KIF2A: variants seen among roughly 807,000 people sequenced by gnomAD.
The protein encoded by KIF2A is kinesin-like protein KIF2A.
In KIF2A, 22 loss-of-function variants were observed where a neutral mutation model predicts 100.2. The ratio of observed to expected loss-of-function variants is 0.22; its 90% CI spans 0.16 to 0.31. The LOEUF (loss-of-function observed/expected upper bound fraction) is 0.31. Ranked by LOEUF, KIF2A falls within the 10% of genes least tolerant of loss-of-function variation. The pLI, the probability that KIF2A is intolerant of heterozygous loss-of-function variation, is 1.00. For missense variants in KIF2A, 495 were observed against 898.7 expected (o/e 0.55, Z 5.74); for synonymous variants, 268 against 285.9 (o/e 0.94, Z 0.63).
At chr5:62,346,218 A>G (rs1361827789) in intron 1 of KIF2A, among the ~76,000 whole-genome samples, 1 of 152,164 alleles carries the variant, frequency 6.6e-6, no homozygotes, top group Admixed American at 6.6e-5. Flanking sequence ...AGTTTACTAC[A>G]TTATATATAA....
chr5:62,318,193 C>G (rs1183214628), intron 1 of KIF2A, among the ~76,000 whole-genome samples: 1 of 152,118 alleles, frequency 6.6e-6, no homozygotes, highest in East Asian at 1.9e-4. Context: ...AGCGATTCCC[C>G]TGCCTCAGCC....
intron 1 of KIF2A, among the ~76,000 whole-genome samples, chr5:62,343,219 TATTTA>T (rs1325892165): frequency 6.6e-6 from 1 of 152,194 alleles, no homozygotes; most frequent in African/African-American, 2.4e-5. Flanking sequence ...AAGTAAGGAT[TATTTA>T]ATTTCCCTTT....
rs1407865790 is a variant in KIF2A at position 62,389,961 on chromosome 5, T to C, written c.*4392T>C. Among the ~76,000 whole-genome samples, 3 of 152,238 alleles carry C rather than the reference T, an allele frequency of 2.0e-5. No individual in the cohort carries two copies. Among genetic ancestry groups the C allele is most frequent in the Non-Finnish European group, 4.4e-5 (3 of 68,036 alleles). On this transcript the variant is annotated 3_prime_UTR_variant, in exon 21 of 21. Transcript: ENST00000407818. Reference sequence around the variant, plus strand: ...TAAATTTCTAAAAAAGCAAAGTAGATATTTATGAATAGTATTCAATGCCTA... The same window carrying C: ...TAAATTTCTAAAAAAGCAAAGTAGACATTTATGAATAGTATTCAATGCCTA...
intron 5 of KIF2A, 169 bp downstream of exon 5, chr5:62,352,879 G>T: frequency 5.8e-6 from 3 of 519,208 alleles, no homozygotes; most frequent in Non-Finnish European, 6.4e-6. Flanking sequence ...TGTTAATTGG[G>T]TTTTTTAAAG....
intron 1 of KIF2A, among the ~76,000 whole-genome samples, chr5:62,307,566 C>T (rs765612725): frequency 5.9e-5 from 9 of 151,530 alleles, no homozygotes; most frequent in Non-Finnish European, 1.3e-4. Flanking sequence ...ATTGAAAGAA[C>T]GAGAGATGTG....
rs763169283 is a variant in KIF2A at position 62,390,861 on chromosome 5, C to A, written c.*5292C>A. The A allele has an allele frequency of 1.9e-6, 3 of 1,607,026 alleles. No homozygotes were observed. Among genetic ancestry groups the A allele is most frequent in the Non-Finnish European group, 2.6e-6 (3 of 1,175,462 alleles). On this transcript the variant is annotated 3_prime_UTR_variant, in exon 21 of 21. Coordinates refer to ENST00000407818, the MANE Select transcript of KIF2A (RefSeq NM_001098511.3). ...AAAGAAATGTAAACACTTAGGAAAA[C>A]AAAAATGTAATTACCTGATGAAGTC...
intron 1 of KIF2A, among the ~76,000 whole-genome samples, chr5:62,309,848 TA>T (rs1304559465): frequency 6.6e-6 from 1 of 152,204 alleles, no homozygotes; most frequent in African/African-American, 2.4e-5. Context: ...AAAACTATCC[TA>T]ATGAGTCTTC....
intron 1 of KIF2A, among the ~76,000 whole-genome samples, chr5:62,334,617 C>T (rs1364399003): frequency 6.6e-6 from 1 of 151,950 alleles, no homozygotes; most frequent in Non-Finnish European, 1.5e-5. Flanking sequence ...CTCCTGGGGC[C>T]TCCCCACCAC....
In KIF2A at chr5:62,347,243, A is replaced by G; in HGVS notation, c.159+19A>G. ...CAAAGAGGTAAGATCACTGAGTTTA[A>G]TTTTATTCCTAGTCCTGCAATCAAG... On this transcript the variant is annotated intron_variant, in intron 2 of 20. Coordinates refer to ENST00000407818, the MANE Select transcript of KIF2A (RefSeq NM_001098511.3). The G allele has an allele frequency of 7.8e-7, 1 of 1,282,140 alleles. No individual in the cohort carries two copies. Among genetic ancestry groups the G allele is most frequent in the South Asian group, 1.3e-5 (1 of 79,238 alleles). 79.4% of individuals were successfully genotyped at this position (1,282,140 alleles called of 1,614,324 possible). A position where few individuals can be genotyped will look rare whatever the true frequency, so the allele number is the denominator to read the frequency against.
At chr5:62,359,371 G>A (rs1748273019) in intron 9 of KIF2A, among the ~76,000 whole-genome samples, 1 of 151,748 alleles carries the variant, frequency 6.6e-6, no homozygotes, top group South Asian at 2.1e-4. Context: ...TAGAGTTAAT[G>A]AGACTAAGAA....
Position 62,373,402 on chromosome 5 carries a change from GT to G in KIF2A, c.1761-278del, listed in dbSNP as rs144108579. Among the ~76,000 whole-genome samples the G allele has an allele frequency of 0.016, 2,488 of 151,804 alleles. 57 individuals are homozygous for G. The highest frequency in any genetic ancestry group is 0.058 in the African/African-American group (2,389 of 41,418). On this transcript the variant is annotated intron_variant, in intron 17 of 20. Coordinates refer to ENST00000407818, the MANE Select transcript of KIF2A (RefSeq NM_001098511.3). ...TAAAAAATTTTTTAAATCATAACAA[GT>G]TTTTTTCTTTGAATACTGAATCTAC...
At chr5:62,336,804 A>G (rs987614684) in intron 1 of KIF2A, among the ~76,000 whole-genome samples, 1 of 152,212 alleles carries the variant, frequency 6.6e-6, no homozygotes, top group African/African-American at 2.4e-5. Context: ...TTAAGTACAT[A>G]ATAACACCTA....
chr5:62,356,412 T>C (rs1748108399), intron 7 of KIF2A, among the ~76,000 whole-genome samples: 4 of 152,206 alleles, frequency 2.6e-5, no homozygotes, highest in African/African-American at 9.6e-5. Flanking sequence ...AAAGCAGCCA[T>C]AGACAATACA....
intron 1 of KIF2A, among the ~76,000 whole-genome samples, chr5:62,319,699 T>C (rs1026490114): frequency 6.6e-6 from 1 of 152,254 alleles, no homozygotes; most frequent in Non-Finnish European, 1.5e-5. Context: ...CACTGCTCTG[T>C]CTATTCAAGT....
At chr5:62,373,935 G>A (rs1741428956) in intron 18 of KIF2A, 98 bp downstream of exon 18, 1 of 985,274 alleles carries the variant, frequency 1.0e-6, no homozygotes, top group Admixed American at 2.2e-5. Context: ...GTCAGGCTGT[G>A]GGTGTGGTGG....
At chr5:62,341,356 C>T (rs745408435) in intron 1 of KIF2A, among the ~76,000 whole-genome samples, 10 of 151,952 alleles carry the variant, frequency 6.6e-5, no homozygotes, top group South Asian at 2.1e-4. Flanking sequence ...GCTGGAGTGC[C>T]GTGGCACAAT....
chr5:62,352,697 A>G lies in KIF2A; in HGVS notation c.444A>G (p.Glu148=), dbSNP rs561923775. Reference sequence around the variant, plus strand: ...CTCCAGTTCAAGCTGCAAAAAAGGAATTTGGACCCCCTTGTATGTAAATTA... The same window carrying G: ...CTCCAGTTCAAGCTGCAAAAAAGGAGTTTGGACCCCCTTGTATGTAAATTA... ...DISPVQAAKK[E]FGPPSRRKSN... The change falls in exon 5 of 21, where the codon GAA becomes GAG. Residue 148 remains glutamate, a synonymous_variant. Transcript: ENST00000407818. 3.1e-5 allele frequency: 50 copies of G among 1,611,782 alleles called. No individual in the cohort carries two copies. The South Asian group carries it at 5.1e-4, about 16-fold the overall frequency.
At chr5:62,371,953 T>C (rs948680041) in intron 16 of KIF2A, among the ~76,000 whole-genome samples, 6 of 152,236 alleles carry the variant, frequency 3.9e-5, no homozygotes, top group Non-Finnish European at 7.3e-5. Context: ...TCACAGCTAA[T>C]GCCATTCTGG....
chr5:62,347,378 G>A (rs894968989), intron 2 of KIF2A, among the ~76,000 whole-genome samples, 154 bp downstream of exon 2: 1 of 152,036 alleles, frequency 6.6e-6, no homozygotes, highest in East Asian at 1.9e-4. Flanking sequence ...TCACTTAAAG[G>A]TAGATTCCTC....
Sources: allele counts gnomAD v4.1 joint callset (sites outside exome capture counted in the v4.1 genomes callset), GRCh38; gene constraint gnomAD v4.1.1; transcripts MANE v1.5; gene names NCBI Gene and HGNC (gene_info 2026-07-23, HGNC 2026-07-21).